WWOX: variants seen among roughly 807,000 people sequenced by gnomAD.
WWOX encodes WW domain-containing oxidoreductase.
In WWOX, 69 loss-of-function variants were observed where a neutral mutation model predicts 46.2. That is an observed-to-expected ratio of 1.49 (90% CI 1.23 to 1.82). WWOX has a LOEUF of 1.82. Ranked by LOEUF, WWOX falls within the 40% of genes most tolerant of loss-of-function variation. The pLI is 0.00. For missense variants in WWOX, 919 were observed against 542.6 expected, an observed-to-expected ratio of 1.69 and a Z score of -6.89; for synonymous variants, 359 against 202.6, an observed-to-expected ratio of 1.77 and a Z score of -6.56.
In WWOX at chr16:79,085,133, A is replaced by C. The variant is rs2048831032; in HGVS notation, c.1057-126475A>C. Among the ~76,000 whole-genome samples the C allele has an allele frequency of 5.9e-5, 9 of 152,252 alleles. No homozygotes were observed. The South Asian group carries it at 1.9e-3, about 32-fold the overall frequency. On this transcript the variant is annotated intron_variant, in intron 8 of 8. Coordinates refer to ENST00000566780, the MANE Select transcript of WWOX (RefSeq NM_016373.4). The stretch of plus-strand genomic sequence containing the variant: ...TATATATATACAATATACATATGTA[A>C]ATATATCTGCATATACATGTTTAGG...
At chr16:78,423,552 C>A (rs144039265) in intron 6 of WWOX, among the ~76,000 whole-genome samples, 2 of 152,182 alleles carry the variant, frequency 1.3e-5, no homozygotes, top group East Asian at 1.9e-4. Context: ...CACGTGAAAG[C>A]CTTACTTGTA....
intron 8 of WWOX, among the ~76,000 whole-genome samples, chr16:78,841,735 C>A (rs77156620): frequency 6.0e-4 from 91 of 152,030 alleles, no homozygotes; most frequent in Middle Eastern, 3.4e-3. Flanking sequence ...CGAGAAGTTA[C>A]CTTTGAAAAT....
At chr16:79,134,219 C>T (rs925028186) in intron 8 of WWOX, among the ~76,000 whole-genome samples, 4 of 151,708 alleles carry the variant, frequency 2.6e-5, no homozygotes, top group Non-Finnish European at 5.9e-5. Flanking sequence ...AGAAAGAATC[C>T]AATTTGTTAT....
intron 8 of WWOX, among the ~76,000 whole-genome samples, chr16:78,496,800 G>C (rs1396517300): frequency 6.6e-6 from 1 of 152,190 alleles, no homozygotes; most frequent in Non-Finnish European, 1.5e-5. Context: ...TTGAGGAAGA[G>C]GCCCCAAGAC....
chr16:78,675,357 G>A (rs142053721), intron 8 of WWOX, among the ~76,000 whole-genome samples: 3 of 152,070 alleles, frequency 2.0e-5, no homozygotes, highest in Non-Finnish European at 4.4e-5. Flanking sequence ...TGTTCATATC[G>A]TTCATCTACA....
intron 8 of WWOX, among the ~76,000 whole-genome samples, chr16:78,511,811 A>G (rs560277419): frequency 6.6e-6 from 1 of 152,288 alleles, no homozygotes; most frequent in African/African-American, 2.4e-5. Context: ...CAGACATGGG[A>G]TGGCTTTTGT....
intron 8 of WWOX, among the ~76,000 whole-genome samples, chr16:79,069,349 G>C (rs192122766): frequency 6.6e-6 from 1 of 152,214 alleles, no homozygotes; most frequent in Non-Finnish European, 1.5e-5. Context: ...CAGCAAAAGA[G>C]CCCAGTGATT....
At position 78,233,214 on chromosome 16, in the gene WWOX, G is replaced by C. The variant is rs114087250; in HGVS notation, c.516+68925G>C. On this transcript the variant is annotated intron_variant, in intron 5 of 8. Transcript: ENST00000566780. ...AAAGATTACTGACGATCAACATGCTGAACTGACATTTCACAGATATGCAGA... is the reference window on the plus strand; with the variant it reads ...AAAGATTACTGACGATCAACATGCTCAACTGACATTTCACAGATATGCAGA... 8.0e-3 allele frequency among the ~76,000 whole-genome samples: 1,211 copies of C among 152,266 alleles called. 19 individuals are homozygous for C. Among genetic ancestry groups the C allele is most frequent in the African/African-American group, 0.027 (1,120 of 41,540 alleles).
chr16:78,202,196 G>A (rs557533066), intron 5 of WWOX, among the ~76,000 whole-genome samples: 36 of 152,302 alleles, frequency 2.4e-4, no homozygotes, highest in Non-Finnish European at 4.4e-4. Flanking sequence ...ATGTCTTGGG[G>A]ACAGTGTTGT....
chr16:78,185,752 C>T (rs1485827879), intron 5 of WWOX, among the ~76,000 whole-genome samples: 3 of 152,136 alleles, frequency 2.0e-5, no homozygotes, highest in Admixed American at 6.5e-5. Context: ...CTGCAGTCTC[C>T]ATCTCCCAGG....
intron 8 of WWOX, among the ~76,000 whole-genome samples, chr16:78,662,406 C>A (rs780781917): frequency 6.6e-6 from 1 of 152,086 alleles, no homozygotes; most frequent in African/African-American, 2.4e-5. Flanking sequence ...CTGTTTCCCA[C>A]TGAGAGAATT....
intron 8 of WWOX, among the ~76,000 whole-genome samples, chr16:78,926,754 A>C (rs1415347091): frequency 6.6e-6 from 1 of 152,166 alleles, no homozygotes; most frequent in African/African-American, 2.4e-5. Flanking sequence ...TAGAAAGACC[A>C]TGGGTGTGAG....
At chr16:78,616,809 C>G (rs79814385) in intron 8 of WWOX, among the ~76,000 whole-genome samples, 14 of 152,178 alleles carry the variant, frequency 9.2e-5, no homozygotes, top group African/African-American at 3.1e-4. Context: ...ACTAACCCTA[C>G]TCAGGAAGCC....
chr16:78,341,074 G>C lies in WWOX; in HGVS notation c.517-45786G>C, dbSNP rs1455133135. Reference sequence around the variant, plus strand: ...CTTTGCTGGCTCTCTGATAGGAATTGTGTTACTTCTCAGCTGTCCCCATGG... The same window carrying C: ...CTTTGCTGGCTCTCTGATAGGAATTCTGTTACTTCTCAGCTGTCCCCATGG... On this transcript the variant is annotated intron_variant, in intron 5 of 8. Coordinates refer to ENST00000566780, the MANE Select transcript of WWOX (RefSeq NM_016373.4). Among the ~76,000 whole-genome samples, 3 of 117,000 alleles carry C rather than the reference G, an allele frequency of 2.6e-5. 1 individual carries two copies. In the South Asian group the frequency reaches 7.7e-4, roughly 30 times the overall value. 76.8% of individuals were successfully genotyped at this position (117,000 alleles called of 152,430 possible). A position where few individuals can be genotyped will look rare whatever the true frequency, so the allele number is the denominator to read the frequency against.
intron 8 of WWOX, among the ~76,000 whole-genome samples, chr16:78,470,728 C>A (rs1038743917): frequency 6.6e-6 from 1 of 152,110 alleles, no homozygotes; most frequent in Non-Finnish European, 1.5e-5. Flanking sequence ...GGGGTTTCAC[C>A]ATGTGGGCCA....
chr16:78,791,038 A>AT (rs1322315923), intron 8 of WWOX, among the ~76,000 whole-genome samples: 4 of 151,382 alleles, frequency 2.6e-5, no homozygotes, highest in Admixed American at 6.6e-5. Flanking sequence ...AAAAAAAAAA[A>AT]AAAGTGAAAA....
intron 8 of WWOX, among the ~76,000 whole-genome samples, chr16:79,210,139 C>T (rs1259449457): frequency 6.6e-6 from 1 of 152,208 alleles, no homozygotes; most frequent in Non-Finnish European, 1.5e-5. Flanking sequence ...ACGGTCCACA[C>T]CCCGCCCAGA....
chr16:78,820,837 T>G (rs2051473691), intron 8 of WWOX, among the ~76,000 whole-genome samples: 1 of 152,150 alleles, frequency 6.6e-6, no homozygotes, highest in South Asian at 2.1e-4. Flanking sequence ...CATGCCTGTC[T>G]CCTGGTTTCT....
intron 5 of WWOX, among the ~76,000 whole-genome samples, chr16:78,169,699 G>T (rs1256297157): frequency 1.3e-5 from 2 of 152,102 alleles, no homozygotes; most frequent in Non-Finnish European, 2.9e-5. Flanking sequence ...TGTGGAAGAA[G>T]GAGGTAGGGT....
Sources: allele counts gnomAD v4.1 joint callset (sites outside exome capture counted in the v4.1 genomes callset), GRCh38; gene constraint gnomAD v4.1.1; transcripts MANE v1.5; gene names NCBI Gene and HGNC (gene_info 2026-07-23, HGNC 2026-07-21).